Variants in ZFAND4 observed in about 807,000 individuals in gnomAD.
The protein encoded by ZFAND4 is AN1-type zinc finger protein 4.
A neutral mutation model predicts 64.4 loss-of-function variants in ZFAND4; 43 were observed. That is an observed-to-expected ratio of 0.67 (90% CI 0.52 to 0.86). The LOEUF (loss-of-function observed/expected upper bound fraction) is 0.86. Ranked by LOEUF, ZFAND4 falls within the 40% of genes least tolerant of loss-of-function variation. The probability of loss-of-function intolerance (pLI) is 0.00; values close to 1 mark genes in which losing one functional copy is unlikely to be tolerated. For missense variants in ZFAND4, 929 were observed against 859.8 expected, an observed-to-expected ratio of 1.08 and a Z score of -1.01; for synonymous variants, 296 against 305.7, an observed-to-expected ratio of 0.97 and a Z score of 0.33.
At chr10:45,644,966 T>G (rs1336926419) in intron 5 of ZFAND4, among the ~76,000 whole-genome samples, 1 of 151,058 alleles carries the variant, frequency 6.6e-6, no homozygotes, top group Non-Finnish European at 1.5e-5. Flanking sequence ...TTAGTGAACA[T>G]GTAAGGTCTT....
intron 2 of ZFAND4, among the ~76,000 whole-genome samples, chr10:45,661,912 G>T (rs1368753894): frequency 6.7e-6 from 1 of 150,284 alleles, no homozygotes; most frequent in Admixed American, 6.6e-5. Context: ...TCTCCAGCCT[G>T]CGCAACAGGT....
rs192258224 is a variant in ZFAND4 at position 45,634,681 on chromosome 10, T to C, written c.717+5135A>G. Among the ~76,000 whole-genome samples, 639 of 151,908 alleles carry C rather than the reference T, an allele frequency of 4.2e-3. 4 individuals carry two copies. Among genetic ancestry groups the C allele is most frequent in the African/African-American group, 0.015 (605 of 41,442 alleles). On this transcript the variant is annotated intron_variant, in intron 6 of 9. Transcript: ENST00000344646. Reference sequence around the variant, plus strand: ...GGAGAAATCAGACAAGAGAAAGAAATAAAGGGCATACAAATTTGAAAGAAG... The same window carrying C: ...GGAGAAATCAGACAAGAGAAAGAAACAAAGGGCATACAAATTTGAAAGAAG...
At chr10:45,624,709 AC>A in intron 7 of ZFAND4, 72 bp from the exon 8 acceptor site, 3 of 1,276,920 alleles carry the variant, frequency 2.3e-6, no homozygotes, top group South Asian at 1.3e-5. Flanking sequence ...AACATGAAAT[AC>A]TTGTATTTTA....
intron 6 of ZFAND4, among the ~76,000 whole-genome samples, chr10:45,634,819 A>T (rs973266992): frequency 3.3e-5 from 5 of 152,202 alleles, no homozygotes; most frequent in African/African-American, 1.2e-4. Flanking sequence ...GTTGCGGGAT[A>T]CAAAATCAAC....
At chr10:45,631,746 G>C (rs1445648581) in intron 6 of ZFAND4, among the ~76,000 whole-genome samples, 1 of 151,982 alleles carries the variant, frequency 6.6e-6, no homozygotes, top group Non-Finnish European at 1.5e-5. Context: ...GAATATTTAA[G>C]GTTATGGATA....
chr10:45,649,647 A>AAAACAGTT (rs1052590482), intron 4 of ZFAND4: 11 of 152,360 alleles, frequency 7.2e-5, no homozygotes, highest in Admixed American at 3.3e-4. Flanking sequence ...TTGCTTTATG[A>AAAACAGTT]AAACAGTTAT....
chr10:45,638,001 G>A (rs372049876), intron 6 of ZFAND4, among the ~76,000 whole-genome samples: 12 of 152,140 alleles, frequency 7.9e-5, no homozygotes, highest in East Asian at 5.8e-4. Context: ...CATAAAAAAC[G>A]TATCTTAATG....
chr10:45,619,658 G>T (rs1459165536), intron 8 of ZFAND4, among the ~76,000 whole-genome samples: 2 of 151,740 alleles, frequency 1.3e-5, no homozygotes, highest in African/African-American at 4.8e-5. Flanking sequence ...TTTCTTAAAG[G>T]GTTCAAAAAA....
intron 6 of ZFAND4, among the ~76,000 whole-genome samples, chr10:45,634,939 A>C (rs1277340619): frequency 6.6e-6 from 1 of 152,078 alleles, no homozygotes; most frequent in African/African-American, 2.4e-5. Context: ...CCTAGGAATA[A>C]ACTTATCTAA....
At position 45,622,642 on chromosome 10, in the gene ZFAND4, A is replaced by T. The variant is rs1352670049; in HGVS notation, c.1927+1941T>A. On this transcript the variant is annotated intron_variant, in intron 8 of 9. Coordinates refer to ENST00000344646, the MANE Select transcript of ZFAND4 (RefSeq NM_174890.4). ...AGATAAATTCTGCCATTTTCATTTCACTTCCTGAAAGTCAGGGTTGGCTTG... is the reference window on the plus strand; with the variant it reads ...AGATAAATTCTGCCATTTTCATTTCTCTTCCTGAAAGTCAGGGTTGGCTTG... Among the ~76,000 whole-genome samples the T allele has an allele frequency of 3.3e-5, 5 of 152,264 alleles. No homozygotes were observed. The East Asian group carries it at 9.6e-4, about 29-fold the overall frequency.
intron 8 of ZFAND4, chr10:45,620,704 T>C (rs1461636263): frequency 2.0e-5 from 3 of 152,212 alleles, no homozygotes; most frequent in African/African-American, 7.2e-5. Context: ...TGGACTGGCA[T>C]TTAAGGTATT....
chr10:45,665,787 C>T (rs1264488465), intron 1 of ZFAND4, among the ~76,000 whole-genome samples: 1 of 152,240 alleles, frequency 6.6e-6, no homozygotes, highest in Non-Finnish European at 1.5e-5. Context: ...CCAAATTGGT[C>T]TATTCTGGAC....
At chr10:45,617,871 G>A (rs1019415406) in intron 9 of ZFAND4, 6 of 177,030 alleles carry the variant, frequency 3.4e-5, no homozygotes, top group Non-Finnish European at 7.0e-5. Flanking sequence ...ATCCAAGCAG[G>A]TTCATCATAA....
Position 45,626,769 on chromosome 10 carries a change from G to C in ZFAND4, c.1054C>G (p.Leu352Val). ...PHLELGNDQE[L>V]ADSVLHLGSS... Reference sequence around the variant, plus strand: ...CCAAGATGGAGAACAGAGTCAGCAAGCTCCTGGTCATTTCCCAACTCCAAA... The same window carrying C: ...CCAAGATGGAGAACAGAGTCAGCAACCTCCTGGTCATTTCCCAACTCCAAA... Residue 352 changes from leucine to valine, a missense_variant, in exon 7 of 10, where the codon CTT (leucine) becomes GTT (valine). Leu to Val is a conservative substitution (Grantham distance 32). Coordinates refer to ENST00000344646, the MANE Select transcript of ZFAND4 (RefSeq NM_174890.4). 1 of 1,614,214 alleles carries C rather than the reference G, an allele frequency of 6.2e-7. No individual in the cohort carries two copies. The highest frequency in any genetic ancestry group is 8.5e-7 in the Non-Finnish European group (1 of 1,180,044).
intron 8 of ZFAND4, among the ~76,000 whole-genome samples, chr10:45,621,113 T>G (rs2045391242): frequency 6.6e-6 from 1 of 152,186 alleles, no homozygotes; most frequent in African/African-American, 2.4e-5. Flanking sequence ...AAATCAGTGT[T>G]CCAGACGCAA....
chr10:45,652,974 T>C lies in ZFAND4; in HGVS notation c.260+10A>G. 1 of 1,604,528 alleles carries C rather than the reference T, an allele frequency of 6.2e-7. No homozygotes were observed. The highest frequency in any genetic ancestry group is 1.3e-5 in the African/African-American group (1 of 74,720). On this transcript the variant is annotated intron_variant, in intron 3 of 9. Coordinates refer to ENST00000344646, the MANE Select transcript of ZFAND4 (RefSeq NM_174890.4). Reference sequence around the variant, plus strand: ...TGCCTACAAAACAGCCAATATGCAATTACACTCACTTGTAATCATTCAAGC... The same window carrying C: ...TGCCTACAAAACAGCCAATATGCAACTACACTCACTTGTAATCATTCAAGC...
intron 8 of ZFAND4, among the ~76,000 whole-genome samples, chr10:45,621,895 G>C (rs2045455460): frequency 6.6e-6 from 1 of 152,094 alleles, no homozygotes; most frequent in African/African-American, 2.4e-5. Context: ...TAAAGATATG[G>C]AGGCATCCAA....
At chr10:45,632,410 A>C (rs901146862) in intron 6 of ZFAND4, among the ~76,000 whole-genome samples, 4 of 152,180 alleles carry the variant, frequency 2.6e-5, no homozygotes, top group Non-Finnish European at 5.9e-5. Context: ...AAACTAAAAT[A>C]AGAGTGAGTA....
intron 2 of ZFAND4, among the ~76,000 whole-genome samples, chr10:45,659,242 A>G (rs1251826659): frequency 6.6e-6 from 1 of 152,236 alleles, no homozygotes; most frequent in Non-Finnish European, 1.5e-5. Flanking sequence ...GCACAGGCCC[A>G]CTGCAAGATT....
Sources: allele counts gnomAD v4.1 joint callset (sites outside exome capture counted in the v4.1 genomes callset), GRCh38; gene constraint gnomAD v4.1.1; transcripts MANE v1.5; gene names NCBI Gene and HGNC (gene_info 2026-07-23, HGNC 2026-07-21).